COG7: variants seen among roughly 807,000 people sequenced by gnomAD.
The protein encoded by COG7 is component of oligomeric golgi complex 7.
Under a neutral mutation model 91.5 loss-of-function variants are expected in COG7, and 49 were observed. The ratio of observed to expected loss-of-function variants is 0.54; its 90% CI spans 0.43 to 0.68. The LOEUF is 0.68. Ranked by LOEUF, COG7 falls within the 30% of genes least tolerant of loss-of-function variation. COG7 has a pLI of 0.00. For synonymous variants in COG7, 365 were observed against 388.7 expected, an observed-to-expected ratio of 0.94 and a Z score of 0.72; for missense variants, 895 against 961.3, an observed-to-expected ratio of 0.93 and a Z score of 0.91.
At chr16:23,421,640 G>A (rs1255693393) in intron 7 of COG7, among the ~76,000 whole-genome samples, 3 of 151,764 alleles carry the variant, frequency 2.0e-5, no homozygotes, top group African/African-American at 4.8e-5. Context: ...ACCTGGCAAT[G>A]ACAGGAGAAA....
At position 23,388,941 on chromosome 16, in the gene COG7, G is replaced by C. The variant is rs114918337; in HGVS notation, c.2292C>G (p.Thr764=). 7 of 1,614,154 alleles carry C rather than the reference G, an allele frequency of 4.3e-6. No homozygotes were observed. The East Asian group carries it at 1.3e-4, about 31-fold the overall frequency. The change falls in exon 17 of 17, where the codon ACC becomes ACG. Residue 764 remains threonine, a synonymous_variant. Transcript: ENST00000307149. ...LPRRLATTVA[T]MRSVNY ...GGGGTCAGTAATTCACACTCCGCAT[G>C]GTGGCCACGGTGGTGGCCAGGCGAC... is the stretch of plus-strand genomic sequence containing the variant.
At chr16:23,441,991 C>A in intron 4 of COG7, 1 of 155,784 alleles carries the variant, frequency 6.4e-6, no homozygotes, top group Non-Finnish European at 1.4e-5. Context: ...AGTGTGTGAC[C>A]CAAGAATTCC....
chr16:23,394,358 G>A (rs1567327465), intron 14 of COG7, among the ~76,000 whole-genome samples: 1 of 152,192 alleles, frequency 6.6e-6, no homozygotes, highest in African/African-American at 2.4e-5. Flanking sequence ...GATGCCAAGA[G>A]TGTATTTTAG....
In COG7 at chr16:23,388,608, T is replaced by C. The variant is rs568437719; in HGVS notation, c.*312A>G. On this transcript the variant is annotated 3_prime_UTR_variant, in exon 17 of 17. Transcript: ENST00000307149. ...TTTAATTTACAACTCTTTTTGATTATACAAATGAACCAAGTCTTTTTTTTT... is the reference window on the plus strand; with the variant it reads ...TTTAATTTACAACTCTTTTTGATTACACAAATGAACCAAGTCTTTTTTTTT... 3 of 231,170 alleles carry C rather than the reference T, an allele frequency of 1.3e-5. No homozygotes were observed. Among genetic ancestry groups the C allele is most frequent in the East Asian group, 1.1e-4 (1 of 9,212 alleles). The allele number at this position is 231,170 out of a possible 1,614,324, so 14.3% of individuals were successfully genotyped here.
intron 11 of COG7, among the ~76,000 whole-genome samples, chr16:23,407,592 C>T (rs1205572545): frequency 6.6e-6 from 1 of 152,240 alleles, no homozygotes; most frequent in Non-Finnish European, 1.5e-5. Flanking sequence ...AATGGCAGAG[C>T]TCCCAAAGGG....
At position 23,409,722 on chromosome 16, in the gene COG7, G is replaced by T. The variant is rs568332599; in HGVS notation, c.1475+573C>A. ...CCCTTGAAGGGAAAAACTGTCTGAG[G>T]AAGGCCACCTCAGGGCAACATAAAA... On this transcript the variant is annotated intron_variant, in intron 11 of 16. Coordinates refer to ENST00000307149, the MANE Select transcript of COG7 (RefSeq NM_153603.4). Among the ~76,000 whole-genome samples, 8 of 152,296 alleles carry T rather than the reference G, an allele frequency of 5.3e-5. 1 individual carries two copies. Among genetic ancestry groups the T allele is most frequent in the African/African-American group, 1.7e-4 (7 of 41,560 alleles).
rs182723895 is a variant in COG7 at position 23,426,810 on chromosome 16, C to T, written c.811-1863G>A. On this transcript the variant is annotated intron_variant, in intron 6 of 16. Coordinates refer to ENST00000307149, the MANE Select transcript of COG7 (RefSeq NM_153603.4). ...AAAGAACCAGAAGTCCTAGCCAGAG[C>T]AATTGGACAAAAAAAAAAAAAAAAA... is the stretch of plus-strand genomic sequence containing the variant. Among the ~76,000 whole-genome samples the T allele has an allele frequency of 1.1e-3, 61 of 54,926 alleles. 1 individual carries two copies. The highest frequency in any genetic ancestry group is 0.017 in the Middle Eastern group (1 of 58). 36.0% of individuals were successfully genotyped at this position (54,926 alleles called of 152,430 possible). A position where few individuals can be genotyped will look rare whatever the true frequency, so the allele number is the denominator to read the frequency against.
In COG7 at chr16:23,396,040, G is replaced by A. The variant is rs565487762; in HGVS notation, c.1887+2006C>T. On this transcript the variant is annotated intron_variant, in intron 14 of 16. Coordinates refer to ENST00000307149, the MANE Select transcript of COG7 (RefSeq NM_153603.4). Reference sequence around the variant, plus strand: ...TAACAGAGCAGCCACTGGGTAAGTCGCTGCTTCCTCCCAGCCCCACTCCCA... The same window carrying A: ...TAACAGAGCAGCCACTGGGTAAGTCACTGCTTCCTCCCAGCCCCACTCCCA... Among the ~76,000 whole-genome samples the A allele has an allele frequency of 2.6e-5, 4 of 152,330 alleles. No individual in the cohort carries two copies. In the East Asian group the frequency reaches 5.8e-4, roughly 22 times the overall value.
chr16:23,435,464 G>A (rs1277944977), intron 4 of COG7, among the ~76,000 whole-genome samples: 1 of 152,212 alleles, frequency 6.6e-6, no homozygotes, highest in African/African-American at 2.4e-5. Flanking sequence ...CAAGTTATGG[G>A]CTTAATATCA....
At chr16:23,406,986 A>G (rs750696172) in intron 11 of COG7, among the ~76,000 whole-genome samples, 1 of 152,186 alleles carries the variant, frequency 6.6e-6, no homozygotes, top group Non-Finnish European at 1.5e-5. Context: ...ACCCATCTAA[A>G]TATGTACAGA....
chr16:23,399,631 G>A (rs747500116), intron 13 of COG7, among the ~76,000 whole-genome samples: 2 of 151,756 alleles, frequency 1.3e-5, no homozygotes, highest in Admixed American at 6.6e-5. Context: ...TAGAGCTCTC[G>A]GTGTCAGAGG....
intron 11 of COG7, among the ~76,000 whole-genome samples, chr16:23,409,721 G>A (rs1963531862): frequency 6.6e-6 from 1 of 152,194 alleles, no homozygotes; most frequent in South Asian, 2.1e-4. Context: ...AACTGTCTGA[G>A]GAAGGCCACC....
At chr16:23,426,042 C>T (rs1486874298) in intron 6 of COG7, among the ~76,000 whole-genome samples, 6 of 151,936 alleles carry the variant, frequency 3.9e-5, no homozygotes, top group Non-Finnish European at 7.4e-5. Flanking sequence ...GGTCAAACCC[C>T]GTCTCTGCTA....
At chr16:23,434,539 A>T in intron 5 of COG7, 97 bp downstream of exon 5, 3 of 944,248 alleles carry the variant, frequency 3.2e-6, no homozygotes, top group Non-Finnish European at 5.1e-6. Flanking sequence ...CAAGGAGACA[A>T]ATGTTCTTAC....
Position 23,442,579 on chromosome 16 carries a change from G to T in COG7, c.502C>A (p.Pro168Thr). 6.2e-7 allele frequency: 1 copy of T among 1,613,982 alleles called. No homozygotes were observed. The highest frequency in any genetic ancestry group is 8.5e-7 in the Non-Finnish European group (1 of 1,179,868). Residue 168 changes from proline to threonine, a missense_variant, in exon 4 of 17, where the codon CCA becomes ACA. Pro to Thr is a conservative substitution (Grantham distance 38, BLOSUM62 -1). Coordinates refer to ENST00000307149, the MANE Select transcript of COG7 (RefSeq NM_153603.4). ...QNSLMMLVDT[P>T]DYSEKCVHLE... is the part of the protein sequence containing the mutation. ...TGCACACACTTTTCTGAGTAGTCTG[G>T]TGTATCAACAAGCATCATTAAGCTG...
At chr16:23,413,158 G>T in intron 10 of COG7, 1 of 367,046 alleles carries the variant, frequency 2.7e-6, no homozygotes, top group Non-Finnish European at 5.2e-6. Context: ...GCTAAGGTGG[G>T]GGTAAAAAAT....
chr16:23,413,323 TA>T, intron 10 of COG7, 124 bp downstream of exon 10: 1 of 754,700 alleles, frequency 1.3e-6, no homozygotes, highest in Non-Finnish European at 2.5e-6. Flanking sequence ...ATTTGCTTTT[TA>T]AAAAGGCAGT....
At chr16:23,408,130 T>G (rs1596919860) in intron 11 of COG7, among the ~76,000 whole-genome samples, 4 of 27,252 alleles carry the variant, frequency 1.5e-4, no homozygotes, top group Non-Finnish European at 2.0e-4. Context: ...TAGGGGCGAG[T>G]GGGGCGGGAG....
Position 23,442,630 on chromosome 16 carries a change from A to G in COG7, c.451T>C (p.Ser151Pro). 2 of 1,613,850 alleles carry G rather than the reference A, an allele frequency of 1.2e-6. No individual in the cohort carries two copies. The highest frequency in any genetic ancestry group is 1.7e-6 in the Non-Finnish European group (2 of 1,179,694). The change falls in exon 4 of 17, where the codon TCT becomes CCT. Residue 151 changes from serine (S) to proline (P), a missense_variant. Transcript: ENST00000307149. Reference protein sequence around the residue: ...TFKTQDIAVISAKLTGMQNSL... With the variant: ...TFKTQDIAVIPAKLTGMQNSL... ...TTCTGCATACCTGTTAGCTTGGCAGAAATCACAGCTATGTCCTAGAAAAGA... is the reference window on the plus strand; with the variant it reads ...TTCTGCATACCTGTTAGCTTGGCAGGAATCACAGCTATGTCCTAGAAAAGA...
Sources: allele counts gnomAD v4.1 joint callset (sites outside exome capture counted in the v4.1 genomes callset), GRCh38; gene constraint gnomAD v4.1.1; transcripts MANE v1.5; gene names NCBI Gene and HGNC (gene_info 2026-07-23, HGNC 2026-07-21).